BSPH1: variants seen among roughly 807,000 people sequenced by gnomAD.
BSPH1 encodes binder of sperm protein homolog 1.
A neutral mutation model predicts 22.5 loss-of-function variants in BSPH1; 21 were observed. The observed-to-expected ratio is 0.93, with a 90% CI of 0.66 to 1.35. The LOEUF (loss-of-function observed/expected upper bound fraction) is 1.35, where lower values mean the gene tolerates loss of function less well. Among genes scored for constraint, BSPH1 ranks in the 40% most tolerant of loss-of-function variants. The pLI is 0.00. For missense variants in BSPH1, 141 were observed against 154.2 expected, an observed-to-expected ratio of 0.91 and a Z score of 0.45; for synonymous variants, 42 against 53.6, an observed-to-expected ratio of 0.78 and a Z score of 0.95.
chr19:47,976,624 G>A (rs1600086458), intron 5 of BSPH1, 86 bp downstream of exon 5: 18 of 829,654 alleles, frequency 2.2e-5, no homozygotes, highest in East Asian at 6.6e-5. Context: ...TAATGAGAAA[G>A]GGTTCTCCTC....
intron 3 of BSPH1, among the ~76,000 whole-genome samples, chr19:47,978,001 G>GATATAT (rs10609973): frequency 0.079 from 8,691 of 110,028 alleles, 441 homozygotes; most frequent in South Asian, 0.1. Flanking sequence ...GTTAATACAG[G>GATATAT]ATATATATAT....
At chr19:47,982,672 T>C (rs1969429838) in intron 1 of BSPH1, among the ~76,000 whole-genome samples, 1 of 152,172 alleles carries the variant, frequency 6.6e-6, no homozygotes, top group South Asian at 2.1e-4. Flanking sequence ...ATGGTAGCAT[T>C]ATTCATAATA....
chr19:47,978,054 AG>A (rs1208887689), intron 3 of BSPH1, among the ~76,000 whole-genome samples: 3 of 145,602 alleles, frequency 2.1e-5, no homozygotes, highest in Admixed American at 6.9e-5. Flanking sequence ...ACACACATAC[AG>A]GCACACATAC....
Position 47,976,819 on chromosome 19 carries a change from G to C in BSPH1, c.292C>G (p.Arg98Gly). Residue 98 changes from arginine (R) to glycine (G), a missense_variant, in exon 5 of 6, where the codon CGC (arginine) becomes GGC (glycine). By Grantham distance (125) the Arg-to-Gly change is moderately radical (BLOSUM62 -2). Transcript: ENST00000344839. ...TCAGTACACTCCCAGTAGATCAAGC[G>C]TCTGTACCAGAAGGGAAATACACAG... is the stretch of plus-strand genomic sequence containing the variant. ...ANCVFPFWYR[R>G]LIYWECTDDG... 1.9e-6 allele frequency: 3 copies of C among 1,551,494 alleles called. No individual in the cohort carries two copies. Among genetic ancestry groups the C allele is most frequent in the African/African-American group, 2.7e-5 (2 of 73,176 alleles).
chr19:47,982,548 G>C (rs1219856347), intron 1 of BSPH1, among the ~76,000 whole-genome samples: 2 of 152,166 alleles, frequency 1.3e-5, no homozygotes, highest in Non-Finnish European at 2.9e-5. Context: ...AAGCTTTGTT[G>C]CATATTAGAA....
At chr19:47,988,665 G>A (rs971251243) in intron 1 of BSPH1, among the ~76,000 whole-genome samples, 3 of 152,016 alleles carry the variant, frequency 2.0e-5, no homozygotes, top group African/African-American at 4.8e-5. Flanking sequence ...TCAAACGATC[G>A]GTTGGTGGGC....
intron 3 of BSPH1, among the ~76,000 whole-genome samples, chr19:47,978,001 G>GAGATATATATATATATAT (rs376259844): frequency 9.1e-6 from 1 of 110,458 alleles, no homozygotes; most frequent in Non-Finnish European, 1.9e-5. Context: ...GTTAATACAG[G>GAGATATATATATATATAT]ATATATATAT....
At chr19:47,980,485 T>A in intron 2 of BSPH1, 1 of 360,548 alleles carries the variant, frequency 2.8e-6, no homozygotes, top group Non-Finnish European at 3.9e-6. Flanking sequence ...TTCTTTTTTT[T>A]TTTTTTTTTT....
intron 1 of BSPH1, among the ~76,000 whole-genome samples, chr19:47,982,781 G>A (rs1969431289): frequency 6.6e-6 from 1 of 152,128 alleles, no homozygotes; most frequent in African/African-American, 2.4e-5. Flanking sequence ...CATTAAAAAG[G>A]AACAAAATTT....
At chr19:47,976,237 G>A (rs61643592) in intron 5 of BSPH1, among the ~76,000 whole-genome samples, 23,871 of 152,004 alleles carry the variant, frequency 0.16, 2,262 homozygotes, top group African/African-American at 0.24. Context: ...TGATTCTCCT[G>A]CCTCAGCTTC....
chr19:47,986,763 A>G (rs1372921237), intron 1 of BSPH1, among the ~76,000 whole-genome samples: 3 of 152,060 alleles, frequency 2.0e-5, no homozygotes, highest in Non-Finnish European at 4.4e-5. Context: ...ATAAAATAAA[A>G]TAAAAATAAA....
rs898070577 is a variant in BSPH1, at chr19:47,990,478, T to TA, written c.73+1530dup. 4.9e-4 allele frequency among the ~76,000 whole-genome samples: 73 copies of TA among 149,600 alleles called. 1 individual carries two copies. The highest frequency in any genetic ancestry group is 2.1e-3 in the South Asian group (10 of 4,700). ...GTATCTACAAACATGATGTCTGATT[T>TA]AAAAAAAAAACCTGTGGCCAAGTAC... On this transcript the variant is annotated intron_variant, in intron 1 of 5. Transcript: ENST00000344839.
At position 47,979,476 on chromosome 19, in the gene BSPH1, A is replaced by ATT. The variant is rs35111956; in HGVS notation, c.124+92_124+93dup. On this transcript the variant is annotated intron_variant, in intron 3 of 5. Coordinates refer to ENST00000344839, the MANE Select transcript of BSPH1 (RefSeq NM_001128326.2). ...ACATTTTATATAAGGAGAAAAAATG[A>ATT]TTTTTTTTACTGGAAAAACATTACT... The ATT allele has an allele frequency of 6.7e-3, 4,454 of 661,524 alleles. 141 individuals are homozygous for ATT. In the African/African-American group the frequency reaches 0.074, roughly 11 times the overall value. The allele number at this position is 661,524 out of a possible 1,614,324, so 41.0% of individuals were successfully genotyped here.
intron 2 of BSPH1, chr19:47,980,430 A>G: frequency 1.9e-6 from 1 of 529,986 alleles, no homozygotes; most frequent in Non-Finnish European, 2.4e-6. Flanking sequence ...TAATCACCCA[A>G]AAGTAAAATT....
chr19:47,992,157 G>T lies in BSPH1; in HGVS notation c.-76C>A. Reference sequence around the variant, plus strand: ...CAGGGCTCAAGAATCCCCTGGAGAGGCCCAGGGAGGCTTCTTGGAAAAGCA... The same window carrying T: ...CAGGGCTCAAGAATCCCCTGGAGAGTCCCAGGGAGGCTTCTTGGAAAAGCA... On this transcript the variant is annotated 5_prime_UTR_variant, in exon 1 of 6. Transcript: ENST00000344839. 1 of 1,152,680 alleles carries T rather than the reference G, an allele frequency of 8.7e-7. No homozygotes were observed. Among genetic ancestry groups the T allele is most frequent in the Non-Finnish European group, 1.3e-6 (1 of 797,562 alleles). The allele number at this position is 1,152,680 out of a possible 1,614,324, so 71.4% of individuals were successfully genotyped here. A position where few individuals can be genotyped will look rare whatever the true frequency, so the allele number is the denominator to read the frequency against.
rs1267826457 is a variant in BSPH1 at position 47,968,079 on chromosome 19, A to G, written c.*133T>C. ...AAAAGAGTTTTATTTTATTAAGAAAATTGGGGGTTACTGTATATCAGACCA... is the reference window on the plus strand; with the variant it reads ...AAAAGAGTTTTATTTTATTAAGAAAGTTGGGGGTTACTGTATATCAGACCA... On this transcript the variant is annotated 3_prime_UTR_variant, in exon 6 of 6. Coordinates refer to ENST00000344839, the MANE Select transcript of BSPH1 (RefSeq NM_001128326.2). The G allele has an allele frequency of 6.6e-6, 1 of 152,206 alleles. No homozygotes were observed. Among genetic ancestry groups the G allele is most frequent in the Non-Finnish European group, 1.5e-5 (1 of 68,032 alleles). 9.4% of individuals were successfully genotyped at this position (152,206 alleles called of 1,614,324 possible). A position where few individuals can be genotyped will look rare whatever the true frequency, so the allele number is the denominator to read the frequency against.
At chr19:47,985,708 G>A (rs553421099) in intron 1 of BSPH1, among the ~76,000 whole-genome samples, 12 of 152,090 alleles carry the variant, frequency 7.9e-5, no homozygotes, top group Admixed American at 2.6e-4. Context: ...GGTGGTGTGC[G>A]CCTATAATCC....
downstream of BSPH1, among the ~76,000 whole-genome samples, chr19:47,967,595 A>C (rs1312804518): frequency 6.6e-6 from 1 of 152,180 alleles, no homozygotes; most frequent in Non-Finnish European, 1.5e-5. Context: ...CATCCCTGGC[A>C]TCTCTCTGTC....
In BSPH1 at chr19:47,972,946, G is replaced by A. The variant is rs568851337; in HGVS notation, c.*2+3764C>T. ...TATAATAATGTAGGCGGCCGGGCGCGGTGGCTCACGCCTGTAATCCCAGCA... is the reference window on the plus strand; with the variant it reads ...TATAATAATGTAGGCGGCCGGGCGCAGTGGCTCACGCCTGTAATCCCAGCA... On this transcript the variant is annotated intron_variant, in intron 5 of 5. Transcript: ENST00000344839. Among the ~76,000 whole-genome samples the A allele has an allele frequency of 4.4e-3, 670 of 151,212 alleles. 9 individuals are homozygous for A. The highest frequency in any genetic ancestry group is 0.015 in the African/African-American group (623 of 41,274).
Sources: gnomAD v4.1 joint callset for allele counts (sites outside exome capture counted in the v4.1 genomes callset) on GRCh38, gnomAD v4.1.1 for gene constraint, MANE v1.5 for transcripts, NCBI Gene and HGNC (gene_info 2026-07-23, HGNC 2026-07-21) for gene names.